The following PIKFYVE variants were observed in gnomAD, a reference collection of about 807,000 sequenced individuals.
PIKFYVE encodes the protein 1-phosphatidylinositol 3-phosphate 5-kinase.
In PIKFYVE, 122 loss-of-function variants were observed where a neutral mutation model predicts 257.9. That is an observed-to-expected ratio of 0.47 (90% CI 0.41 to 0.55). PIKFYVE has a LOEUF of 0.55. PIKFYVE is among the 20% of genes least tolerant of loss of function. PIKFYVE has a pLI of 0.00. For synonymous variants in PIKFYVE, 892 were observed against 868.9 expected, an observed-to-expected ratio of 1.03 and a Z score of -0.47; for missense variants, 2,160 against 2,536.6, an observed-to-expected ratio of 0.85 and a Z score of 3.19.
chr2:208,293,232 AC>A lies in PIKFYVE; in HGVS notation c.911+4415del, dbSNP rs1294837465. On this transcript the variant is annotated intron_variant, in intron 7 of 41. Coordinates refer to ENST00000264380, the MANE Select transcript of PIKFYVE (RefSeq NM_015040.4). ...ATTTTTCCCTCCCATCTGTTGTATT[AC>A]TGGCATTCATTTCACTTACATATAA... is the stretch of plus-strand genomic sequence containing the variant. Among the ~76,000 whole-genome samples, 3 of 152,116 alleles carry A rather than the reference AC, an allele frequency of 2.0e-5. No individual in the cohort carries two copies. The East Asian group carries it at 5.8e-4, about 29-fold the overall frequency.
chr2:208,351,002 C>T, intron 37 of PIKFYVE, 55 bp downstream of exon 37: 1 of 1,596,588 alleles, frequency 6.3e-7, no homozygotes, highest in Non-Finnish European at 8.6e-7. Flanking sequence ...CTCTTTACCT[C>T]AGAAAATGCA....
chr2:208,315,881 A>G (rs931840893), intron 15 of PIKFYVE, among the ~76,000 whole-genome samples: 24 of 144,154 alleles, frequency 1.7e-4, no homozygotes, highest in African/African-American at 5.6e-4. Flanking sequence ...CTTTTTTTTT[A>G]ATTATTATTA....
chr2:208,330,767 G>GAGA (rs56261751), intron 23 of PIKFYVE, 73 bp downstream of exon 23: 1,422,255 of 1,464,462 alleles, frequency 0.97, 692,357 homozygotes, highest in Non-Finnish European at 0.98. Flanking sequence ...TTTTCCTGAG[G>GAGA]AGGTTTCCTA....
intron 17 of PIKFYVE, among the ~76,000 whole-genome samples, chr2:208,323,604 A>G (rs1461211296): frequency 6.6e-6 from 1 of 152,192 alleles, no homozygotes; most frequent in Non-Finnish European, 1.5e-5. Context: ...AGCATGATTT[A>G]TAATCCTTTG....
intron 7 of PIKFYVE, among the ~76,000 whole-genome samples, chr2:208,294,086 T>A (rs1351142559): frequency 6.6e-6 from 1 of 152,134 alleles, no homozygotes; most frequent in Non-Finnish European, 1.5e-5. Flanking sequence ...TGTCCCACAT[T>A]TCTTGGATAT....
At position 208,273,690 on chromosome 2, in the gene PIKFYVE, A is replaced by G. The variant is rs36031854; in HGVS notation, c.279A>G (p.Lys93=). 8,774 of 1,614,090 alleles carry G rather than the reference A, an allele frequency of 5.4e-3. 370 individuals carry two copies. In the African/African-American group the frequency reaches 0.1, roughly 19 times the overall value. The change falls in exon 3 of 42, where the codon AAA becomes AAG. Residue 93 remains lysine, a synonymous_variant. Coordinates refer to ENST00000264380, the MANE Select transcript of PIKFYVE (RefSeq NM_015040.4). ...CTGTTAGGTCACCCACACCTTATAA[A>G]AAGCAGCTTAATGAGGAACTCCAGC... ...TQSVRSPTPY[K]KQLNEELQRR...
chr2:208,292,707 T>A (rs748480339), intron 7 of PIKFYVE, among the ~76,000 whole-genome samples: 1 of 152,176 alleles, frequency 6.6e-6, no homozygotes, highest in Non-Finnish European at 1.5e-5. Context: ...AATTTAAAAA[T>A]TAATTTTTAA....
Position 208,312,255 on chromosome 2 carries a change from T to C in PIKFYVE, c.1656T>C (p.Thr552=), listed in dbSNP as rs1559103317. 1 of 1,612,046 alleles carries C rather than the reference T, an allele frequency of 6.2e-7. No individual in the cohort carries two copies. The highest frequency in any genetic ancestry group is 8.5e-7 in the Non-Finnish European group (1 of 1,178,646). Residue 552 remains threonine, a synonymous_variant, in exon 13 of 42, where the codon ACT becomes ACC. Transcript: ENST00000264380. The stretch of plus-strand genomic sequence containing the variant: ...ATGCAGAGTATTTGATTTCTGACAC[T>C]GGAGGACAACAGCTCTCAATAAGTG... ...ADQKEYLISD[T]GGQQLSISDA...
At chr2:208,353,266 A>G (rs1243377277) in intron 39 of PIKFYVE, among the ~76,000 whole-genome samples, 1 of 152,216 alleles carries the variant, frequency 6.6e-6, no homozygotes, top group Non-Finnish European at 1.5e-5. Flanking sequence ...TATGAGAAAA[A>G]TGTCAGCTGA....
intron 15 of PIKFYVE, among the ~76,000 whole-genome samples, chr2:208,317,332 C>T (rs1695647917): frequency 6.6e-6 from 1 of 151,932 alleles, no homozygotes; most frequent in Non-Finnish European, 1.5e-5. Context: ...TATGAACAGA[C>T]ACTTCTCAAA....
intron 6 of PIKFYVE, among the ~76,000 whole-genome samples, chr2:208,287,342 C>T (rs1487336962): frequency 3.3e-5 from 5 of 149,840 alleles, no homozygotes; most frequent in East Asian, 2.0e-4. Flanking sequence ...GGCACGATCT[C>T]GGCTCACTGC....
At chr2:208,355,101 G>A in intron 41 of PIKFYVE, 89 bp from the exon 42 acceptor site, 4 of 1,005,286 alleles carry the variant, frequency 4.0e-6, no homozygotes, top group Non-Finnish European at 3.1e-6. Context: ...CTTTATGGCA[G>A]TTTATATGAA....
At chr2:208,274,910 A>G (rs904827476) in intron 3 of PIKFYVE, among the ~76,000 whole-genome samples, 2 of 152,330 alleles carry the variant, frequency 1.3e-5, no homozygotes, top group Admixed American at 6.5e-5. Flanking sequence ...AGTTAGACTA[A>G]AATGTAATAT....
chr2:208,339,701 T>A (rs1698523824), intron 30 of PIKFYVE, 146 bp downstream of exon 30: 1 of 1,168,970 alleles, frequency 8.6e-7, no homozygotes, highest in Non-Finnish European at 1.2e-6. Context: ...GTTTAGGTGG[T>A]AACTACTTAA....
rs1322502658 is a variant in PIKFYVE, at chr2:208,358,403, T to TTG, written c.*3099_*3100insGT. The TTG allele has an allele frequency of 2.6e-5, 4 of 151,806 alleles. No homozygotes were observed. The highest frequency in any genetic ancestry group is 3.2e-3 in the Middle Eastern group (1 of 314). The allele number at this position is 151,806 out of a possible 1,614,324, so 9.4% of individuals were successfully genotyped here. A position where few individuals can be genotyped will look rare whatever the true frequency, so the allele number is the denominator to read the frequency against. ...TAGTGCAATGTTTTTGTTTTTGTTT[T>TTG]TTTTTTGGTAACACAGGTGCAGTGT... On this transcript the variant is annotated 3_prime_UTR_variant, in exon 42 of 42. Coordinates refer to ENST00000264380, the MANE Select transcript of PIKFYVE (RefSeq NM_015040.4).
chr2:208,285,062 A>G (rs2125137880), intron 5 of PIKFYVE, among the ~76,000 whole-genome samples: 1 of 84,740 alleles, frequency 1.2e-5, no homozygotes, highest in African/African-American at 4.7e-5. Context: ...TCATTGGGAT[A>G]TACATTTTGT....
Position 208,331,646 on chromosome 2 carries a change from G to T in PIKFYVE, c.3963+952G>T, listed in dbSNP as rs148122976. Among the ~76,000 whole-genome samples, 298 of 152,338 alleles carry T rather than the reference G, an allele frequency of 2.0e-3. 1 individual carries two copies. Among genetic ancestry groups the T allele is most frequent in the African/African-American group, 6.8e-3 (282 of 41,578 alleles). ...CCACCTTGGCCTCCCAAAGTGTTGG[G>T]ATTACAGGCCTGAGCCACAGCGCCT... On this transcript the variant is annotated intron_variant, in intron 23 of 41. Transcript: ENST00000264380.
In PIKFYVE at chr2:208,339,435, A is replaced by G. The variant is rs750328575; in HGVS notation, c.4690A>G (p.Thr1564Ala). 1.9e-5 allele frequency: 30 copies of G among 1,614,050 alleles called. No individual in the cohort carries two copies. In the East Asian group the frequency reaches 6.2e-4, roughly 34 times the overall value. ...TTCTTTAGAGGATCGCTTCTTAACAACTTTGTCCAGCCAGAGCTCCACCAG... is the reference window on the plus strand; with the variant it reads ...TTCTTTAGAGGATCGCTTCTTAACAGCTTTGTCCAGCCAGAGCTCCACCAG... ...NGEKEDRFLTTLSSQSSTSST... is the reference protein window; with the variant it reads ...NGEKEDRFLTALSSQSSTSST... The change falls in exon 30 of 42, where the codon ACT (threonine) becomes GCT (alanine). Residue 1564 changes from threonine to alanine, a missense_variant. Thr to Ala is a moderately conservative substitution (Grantham distance 58). Around this residue, in one of 12 missense-constraint regions of PIKFYVE, gnomAD observed 699 missense variants for 855.8 expected, o/e 0.82. Coordinates refer to ENST00000264380, the MANE Select transcript of PIKFYVE (RefSeq NM_015040.4).
intron 7 of PIKFYVE, among the ~76,000 whole-genome samples, chr2:208,291,383 T>C (rs1429454871): frequency 2.0e-5 from 3 of 152,110 alleles, no homozygotes; most frequent in Admixed American, 6.5e-5. Context: ...TTATACATTG[T>C]TGGATTGGAT....
Sources: gnomAD v4.1 joint callset for allele counts (sites outside exome capture counted in the v4.1 genomes callset) on GRCh38, gnomAD v4.1.1 for gene constraint, gnomAD v4.1.1 regional missense constraint, MANE v1.5 for transcripts, NCBI Gene and HGNC (gene_info 2026-07-23, HGNC 2026-07-21) for gene names.